The following NEFL variants were observed in gnomAD, a reference collection of about 807,000 sequenced individuals.
NEFL encodes the protein neurofilament light polypeptide.
Under a neutral mutation model 51.6 loss-of-function variants are expected in NEFL, and 36 were observed. That is an observed-to-expected ratio of 0.70 (90% CI 0.53 to 0.92). The LOEUF is 0.92. NEFL is among the 40% of genes least tolerant of loss of function. The pLI, the probability that NEFL is intolerant of heterozygous loss-of-function variation, is 0.00. For synonymous variants in NEFL, 332 were observed against 302.5 expected (o/e 1.10, Z -1.01); for missense variants, 671 against 722.0 (o/e 0.93, Z 0.81).
intron 2 of NEFL, 184 bp downstream of exon 2, chr8:24,953,997 C>G: frequency 8.6e-7 from 1 of 1,166,356 alleles, no homozygotes; most frequent in South Asian, 1.5e-5. Context: ...AAAAACAGGA[C>G]TCCTAATTAC....
At chr8:24,953,975 T>C in intron 2 of NEFL, 180 bp from the exon 3 acceptor site, 1 of 1,164,246 alleles carries the variant, frequency 8.6e-7, no homozygotes, top group Non-Finnish European at 1.2e-6. Context: ...ATTTAAAGTG[T>C]AATGACAAGA....
chr8:24,954,730 T>C (rs1400501390), intron 1 of NEFL, among the ~76,000 whole-genome samples: 8 of 152,134 alleles, frequency 5.3e-5, no homozygotes. Context: ...TTATTTTCTA[T>C]GAAATATTTC....
At position 24,953,273 on chromosome 8, in the gene NEFL, T is replaced by C. The variant is rs144167596; in HGVS notation, c.1489+203A>G. ...ACCAACCTGCTGTGTTAAATGATTA[T>C]ATTAAAAAATGAAAATTTTGACCAA... is the stretch of plus-strand genomic sequence containing the variant. On this transcript the variant is annotated intron_variant, in intron 3 of 3. Coordinates refer to ENST00000610854, the MANE Select transcript of NEFL (RefSeq NM_006158.5). Among the ~76,000 whole-genome samples the C allele has an allele frequency of 1.2e-4, 18 of 152,358 alleles. No homozygotes were observed. The East Asian group carries it at 3.1e-3, about 26-fold the overall frequency.
Position 24,951,407 on chromosome 8 carries a change from C to A in NEFL, c.*1403G>T, listed in dbSNP as rs1410271637. 1 of 152,156 alleles carries A rather than the reference C, an allele frequency of 6.6e-6. No individual in the cohort carries two copies. The highest frequency in any genetic ancestry group is 1.5e-5 in the Non-Finnish European group (1 of 68,012). The allele number at this position is 152,156 out of a possible 1,614,324, so 9.4% of individuals were successfully genotyped here. A position where few individuals can be genotyped will look rare whatever the true frequency, so the allele number is the denominator to read the frequency against. On this transcript the variant is annotated 3_prime_UTR_variant, in exon 4 of 4. Transcript: ENST00000610854. The stretch of plus-strand genomic sequence containing the variant: ...AGCTGACAAAGCAATTGTTTCAGAA[C>A]AAAGGCAGAATAGCAGATAGTAATA...
rs936257567 is a variant in NEFL at position 24,952,365 on chromosome 8, C to T, written c.*445G>A. ...AGGTATTTTAATTAAGTAACAACCACAGCAAAAAATACATCATTCGGTATA... is the reference window on the plus strand; with the variant it reads ...AGGTATTTTAATTAAGTAACAACCATAGCAAAAAATACATCATTCGGTATA... On this transcript the variant is annotated 3_prime_UTR_variant, in exon 4 of 4. Coordinates refer to ENST00000610854, the MANE Select transcript of NEFL (RefSeq NM_006158.5). The T allele has an allele frequency of 6.4e-6, 1 of 156,082 alleles. No homozygotes were observed. The highest frequency in any genetic ancestry group is 1.4e-5 in the Non-Finnish European group (1 of 70,420). The allele number at this position is 156,082 out of a possible 1,614,324, so 9.7% of individuals were successfully genotyped here.
In NEFL at chr8:24,956,558, C is replaced by T; in HGVS notation, c.-43G>A. Reference sequence around the variant, plus strand: ...CCCCGGCCCGCGGCGGCGGTGGGAGCCCGGAGAGAGAGGACAGGGGAGAGA... The same window carrying T: ...CCCCGGCCCGCGGCGGCGGTGGGAGTCCGGAGAGAGAGGACAGGGGAGAGA... On this transcript the variant is annotated 5_prime_UTR_variant, in exon 1 of 4. Transcript: ENST00000610854. This position sits in a 1 kb window ranked among gnomAD's most constrained non-coding sequence, Gnocchi z 5.9. 1 of 1,540,082 alleles carries T rather than the reference C, an allele frequency of 6.5e-7. No individual in the cohort carries two copies. Among genetic ancestry groups the T allele is most frequent in the Non-Finnish European group, 8.8e-7 (1 of 1,135,660 alleles).
intron 1 of NEFL, 46 bp from the exon 2 acceptor site, chr8:24,954,351 T>A: frequency 6.2e-7 from 1 of 1,602,336 alleles, no homozygotes; most frequent in Non-Finnish European, 8.5e-7. Context: ...CGAGCATAAA[T>A]CCCTTCTATT....
In NEFL at chr8:24,955,080, G is replaced by A. The variant is rs998549410; in HGVS notation, c.1044+392C>T. 2 of 202,494 alleles carry A rather than the reference G, an allele frequency of 9.9e-6. No homozygotes were observed. Among genetic ancestry groups the A allele is most frequent in the African/African-American group, 2.3e-5 (1 of 43,396 alleles). The allele number at this position is 202,494 out of a possible 1,614,324, so 12.5% of individuals were successfully genotyped here. A position where few individuals can be genotyped will look rare whatever the true frequency, so the allele number is the denominator to read the frequency against. On this transcript the variant is annotated intron_variant, in intron 1 of 3. Coordinates refer to ENST00000610854, the MANE Select transcript of NEFL (RefSeq NM_006158.5). The surrounding 1 kb of genome is among the most constrained non-coding windows in gnomAD (Gnocchi z 4.0). ...TCACAGTAATCCTTCAGAATTAATT[G>A]AGAGTTGTTCACTCTACTATTTATT...
At position 24,955,703 on chromosome 8, in the gene NEFL, C is replaced by G; in HGVS notation, c.813G>C (p.Lys271Asn). ...ACCATTCCTCAGCGTTCTGCATGTT[C>G]TTGGCGGCCAGCTTCTCGTACTGCG... ...IRAQYEKLAA[K>N]NMQNAEEWFK... The change falls in exon 1 of 4, where the codon AAG becomes AAC. Residue 271 changes from lysine (K) to asparagine (N), a missense_variant. Coordinates refer to ENST00000610854, the MANE Select transcript of NEFL (RefSeq NM_006158.5). The surrounding 1 kb of genome is among the most constrained non-coding windows in gnomAD (Gnocchi z 4.0). The G allele has an allele frequency of 6.2e-7, 1 of 1,613,948 alleles. No homozygotes were observed. The highest frequency in any genetic ancestry group is 8.5e-7 in the Non-Finnish European group (1 of 1,179,898).
Position 24,953,678 on chromosome 8 carries a change from G to A in NEFL, c.1287C>T (p.Thr429=), listed in dbSNP as rs1554497362. ...AGCGGGTGGACATCAGATAGGAGCT[G>A]GTCTGTAAACCGCCGTAGGCAGATC... ...FGRSAYGGLQ[T]SSYLMSTRSF... is the part of the protein sequence containing the mutation. The change falls in exon 3 of 4, where the codon ACC becomes ACT. Residue 429 remains threonine (T), a synonymous_variant. Coordinates refer to ENST00000610854, the MANE Select transcript of NEFL (RefSeq NM_006158.5). 6 of 1,614,002 alleles carry A rather than the reference G, an allele frequency of 3.7e-6. No individual in the cohort carries two copies. The highest frequency in any genetic ancestry group is 5.1e-6 in the Non-Finnish European group (6 of 1,179,904).
rs1188264059 is a variant in NEFL at position 24,956,406 on chromosome 8, C to T, written c.110G>A (p.Arg37His). The change falls in exon 1 of 4, where the codon CGC becomes CAC. Residue 37 changes from arginine to histidine, a missense_variant. Arg to His is a conservative substitution (Grantham distance 29). Transcript: ENST00000610854. This position sits in a 1 kb window ranked among gnomAD's most constrained non-coding sequence, Gnocchi z 5.9. ...CGCCGAGTAGCTGGAGTAAGCTGAGCGTGCGGTGCTGTAGCCGCTGCGCAC... is the reference window on the plus strand; with the variant it reads ...CGCCGAGTAGCTGGAGTAAGCTGAGTGTGCGGTGCTGTAGCCGCTGCGCAC... ...SSVRSGYSTA[R>H]SAYSSYSAPV... 1 of 1,603,456 alleles carries T rather than the reference C, an allele frequency of 6.2e-7. No individual in the cohort carries two copies. The highest frequency in any genetic ancestry group is 8.5e-7 in the Non-Finnish European group (1 of 1,175,740).
rs372328228 is a variant in NEFL at position 24,955,480 on chromosome 8, C to A, written c.1036G>T (p.Ala346Ser). ...LEDKQNADIS[A>S]MQDTINKLEN... ...TTCTGGCCGTGCCGCACCTGCATAG[C>A]GCTGATGTCGGCGTTCTGCTTGTCC... The change falls in exon 1 of 4, where the codon GCT becomes TCT. Residue 346 changes from alanine (A) to serine (S), a missense_variant. Physicochemically the swap from Ala to Ser is moderately conservative, Grantham distance 99. Coordinates refer to ENST00000610854, the MANE Select transcript of NEFL (RefSeq NM_006158.5). This position sits in a 1 kb window ranked among gnomAD's most constrained non-coding sequence, Gnocchi z 4.0. 6.2e-7 allele frequency: 1 copy of A among 1,607,380 alleles called. No homozygotes were observed. Among genetic ancestry groups the A allele is most frequent in the African/African-American group, 1.3e-5 (1 of 74,632 alleles).
rs758696008 is a variant in NEFL at position 24,951,151 on chromosome 8, T to A, written c.*1659A>T. The A allele has an allele frequency of 6.6e-5, 10 of 152,480 alleles. No homozygotes were observed. Among genetic ancestry groups the A allele is most frequent in the Admixed American group, 5.9e-4 (9 of 15,276 alleles). 9.4% of individuals were successfully genotyped at this position (152,480 alleles called of 1,614,324 possible). A position where few individuals can be genotyped will look rare whatever the true frequency, so the allele number is the denominator to read the frequency against. Reference sequence around the variant, plus strand: ...TAAGCAGAAATGTGAAAAGTTTTGTTTCTGAGGAGACGCCTCATCTTTACA... The same window carrying A: ...TAAGCAGAAATGTGAAAAGTTTTGTATCTGAGGAGACGCCTCATCTTTACA... On this transcript the variant is annotated 3_prime_UTR_variant, in exon 4 of 4. Coordinates refer to ENST00000610854, the MANE Select transcript of NEFL (RefSeq NM_006158.5).
chr8:24,954,417 C>T (rs908793975), intron 1 of NEFL, 112 bp from the exon 2 acceptor site: 2 of 1,216,114 alleles, frequency 1.6e-6, no homozygotes, highest in East Asian at 2.5e-5. Context: ...AAGGTGCACA[C>T]CTTTGATAAA....
chr8:24,955,418 ACTCCCCCC>A lies in NEFL; in HGVS notation c.1044+46_1044+53del. On this transcript the variant is annotated intron_variant, in intron 1 of 3. Coordinates refer to ENST00000610854, the MANE Select transcript of NEFL (RefSeq NM_006158.5). The surrounding 1 kb of genome is among the most constrained non-coding windows in gnomAD (Gnocchi z 4.0). ...TGGTCTCCACTTTCTGGGCGCACCA[ACTCCCCCC>A]CTTGCTCGAGTCCCCCGCCCCCCTG... 1 of 1,274,018 alleles carries A rather than the reference ACTCCCCCC, an allele frequency of 7.8e-7. No homozygotes were observed. Among genetic ancestry groups the A allele is most frequent in the Non-Finnish European group, 1.1e-6 (1 of 921,208 alleles). 78.9% of individuals were successfully genotyped at this position (1,274,018 alleles called of 1,614,324 possible).
At chr8:24,954,380 T>G in intron 1 of NEFL, 75 bp from the exon 2 acceptor site, 2 of 1,534,326 alleles carry the variant, frequency 1.3e-6, no homozygotes, top group South Asian at 2.4e-5. Flanking sequence ...GTAGTGTAGT[T>G]GCAAAGGCCT....
chr8:24,952,866 C>T lies in NEFL; in HGVS notation c.1576G>A (p.Glu526Lys), dbSNP rs546077415. The T allele has an allele frequency of 4.3e-6, 7 of 1,610,466 alleles. No individual in the cohort carries two copies. In the African/African-American group the frequency reaches 8.0e-5, roughly 18 times the overall value. Residue 526 changes from glutamate (E) to lysine (K), a missense_variant, in exon 4 of 4, where the codon GAG becomes AAG. Glu to Lys is a moderately conservative substitution (Grantham distance 56). Transcript: ENST00000610854. Reference protein sequence around the residue: ...EGEETKEAEEEEKKVEGAGEE... With the variant: ...EGEETKEAEEKEKKVEGAGEE... ...CCAGCACCTTCAACTTTCTTCTCCTCCTCTTCAGCTTCTTTGGTTTCCTCT... is the reference window on the plus strand; with the variant it reads ...CCAGCACCTTCAACTTTCTTCTCCTTCTCTTCAGCTTCTTTGGTTTCCTCT...
rs372245403 is a variant in NEFL at position 24,953,689 on chromosome 8, C to T, written c.1276G>A (p.Gly426Ser). 2.5e-5 allele frequency: 41 copies of T among 1,613,830 alleles called. No homozygotes were observed. Among genetic ancestry groups the T allele is most frequent in the African/African-American group, 2.4e-4 (18 of 74,900 alleles). Residue 426 changes from glycine to serine, a missense_variant, in exon 3 of 4, where the codon GGT (glycine) becomes AGT (serine). Gly to Ser is a moderately conservative substitution (Grantham distance 56). Coordinates refer to ENST00000610854, the MANE Select transcript of NEFL (RefSeq NM_006158.5). ...ATCAGATAGGAGCTGGTCTGTAAAC[C>T]GCCGTAGGCAGATCGGCCAAAGACC... ...SQVFGRSAYG[G>S]LQTSSYLMST...
At chr8:24,953,848 G>A in intron 2 of NEFL, 53 bp from the exon 3 acceptor site, 2 of 1,524,950 alleles carry the variant, frequency 1.3e-6, no homozygotes, top group East Asian at 2.4e-5. Context: ...TTCACAACTT[G>A]CTCTGAGTAC....
Sources: gnomAD v4.1 joint callset for allele counts (sites outside exome capture counted in the v4.1 genomes callset) on GRCh38, gnomAD v4.1.1 for gene constraint, Gnocchi (gnomAD v3.1) non-coding constraint, MANE v1.5 for transcripts, NCBI Gene and HGNC (gene_info 2026-07-23, HGNC 2026-07-21) for gene names.